Variants in TRIOBP observed in about 807,000 individuals in gnomAD.
TRIOBP encodes the protein TRIO and F-actin-binding protein.
TRIOBP carries 169 observed loss-of-function variants against 238.8 expected under a neutral mutation model. That is an observed-to-expected ratio of 0.71 (90% CI 0.62 to 0.80). TRIOBP has a LOEUF of 0.80. Ranked by LOEUF, TRIOBP falls within the 30% of genes least tolerant of loss-of-function variation. The probability of loss-of-function intolerance (pLI) is 0.00; values close to 1 mark genes in which losing one functional copy is unlikely to be tolerated. For synonymous variants in TRIOBP, 1,150 were observed against 1,274.4 expected (o/e 0.90, Z 2.08); for missense variants, 2,838 against 3,122.6 (o/e 0.91, Z 2.17).
chr22:37,746,463 G>T, intron 11 of TRIOBP: 1 of 1,382,626 alleles, frequency 7.2e-7, no homozygotes, highest in Non-Finnish European at 9.5e-7. Context: ...GCCGGGAGAA[G>T]GGCGACGACC....
Position 37,735,099 on chromosome 22 carries a change from TC to T in TRIOBP, c.4765del (p.Leu1589CysfsTer21). 1.2e-6 allele frequency: 2 copies of T among 1,606,886 alleles called. No individual in the cohort carries two copies. The highest frequency in any genetic ancestry group is 1.3e-5 in the African/African-American group (1 of 74,886). On this transcript the variant is annotated frameshift_variant, in exon 9 of 24. Coordinates refer to ENST00000644935, the MANE Select transcript of TRIOBP (RefSeq NM_001039141.3). LOFTEE classifies it high-confidence loss of function. ...CTGGACTGGGAGGGCCTCTTGGAGCTCCTGCAGGCCAGGCTGCCCCGCAAGG... is the reference window on the plus strand; with the variant it reads ...CTGGACTGGGAGGGCCTCTTGGAGCTCTGCAGGCCAGGCTGCCCCGCAAGG... The part of the protein sequence containing the change: ...PSLDWEGLLE[L>X]LQARLPRKDP...
intron 7 of TRIOBP, among the ~76,000 whole-genome samples, chr22:37,731,160 C>T (rs973085675): frequency 2.0e-5 from 3 of 151,608 alleles, no homozygotes; most frequent in Non-Finnish European, 4.4e-5. Context: ...TTTTTTGAGA[C>T]AGGATCTTGC....
rs901806237 is a variant in TRIOBP at position 37,726,521 on chromosome 22, G to A, written c.3947+18G>A. ...GAGCGCAGGTGAGCCCGGGGGTGGG[G>A]TCAGCCAGGTGGGCTGGGGAGGAGG... is the stretch of plus-strand genomic sequence containing the variant. On this transcript the variant is annotated intron_variant, in intron 7 of 23. Transcript: ENST00000644935. The A allele has an allele frequency of 2.7e-6, 4 of 1,461,880 alleles. No individual in the cohort carries two copies. The African/African-American group carries it at 4.2e-5, about 15-fold the overall frequency. 90.6% of individuals were successfully genotyped at this position (1,461,880 alleles called of 1,614,324 possible).
At chr22:37,753,331 G>A (rs1298017495) in intron 12 of TRIOBP, among the ~76,000 whole-genome samples, 1 of 151,950 alleles carries the variant, frequency 6.6e-6, no homozygotes, top group Non-Finnish European at 1.5e-5. Context: ...CTGGAGTGCA[G>A]TGGCGCAACC....
intron 7 of TRIOBP, among the ~76,000 whole-genome samples, chr22:37,732,528 A>AAC (rs1924475631): frequency 6.6e-6 from 1 of 151,278 alleles, no homozygotes; most frequent in Non-Finnish European, 1.5e-5. Flanking sequence ...AAAAAAAAAA[A>AAC]AGACACTTGC....
At chr22:37,748,458 G>T (rs1925397892) in intron 11 of TRIOBP, among the ~76,000 whole-genome samples, 1 of 152,174 alleles carries the variant, frequency 6.6e-6, no homozygotes, top group East Asian at 1.9e-4. Context: ...CCCCTCGCCT[G>T]CTGGGCATCA....
Position 37,769,291 on chromosome 22 carries a change from A to G in TRIOBP, c.6765A>G (p.Ile2255Met). 6.2e-7 allele frequency: 1 copy of G among 1,612,158 alleles called. No individual in the cohort carries two copies. Among genetic ancestry groups the G allele is most frequent in the Non-Finnish European group, 8.5e-7 (1 of 1,179,544 alleles). ...QELHGRLSEEIDQLRGFIASQ... is the reference protein window; with the variant it reads ...QELHGRLSEEMDQLRGFIASQ... Reference sequence around the variant, plus strand: ...TGCATGGCCGCCTGTCAGAGGAGATAGACCAGCTGCGCGGCTTCATTGCCT... The same window carrying G: ...TGCATGGCCGCCTGTCAGAGGAGATGGACCAGCTGCGCGGCTTCATTGCCT... Residue 2255 changes from isoleucine to methionine, a missense_variant, in exon 21 of 24, where the codon ATA (isoleucine) becomes ATG (methionine). Ile to Met is a conservative substitution (Grantham distance 10, BLOSUM62 1). Transcript: ENST00000644935.
At position 37,757,683 on chromosome 22, in the gene TRIOBP, G is replaced by A. The variant is rs1284439934; in HGVS notation, c.5758G>A (p.Glu1920Lys). The change falls in exon 16 of 24, where the codon GAG becomes AAG. Residue 1920 changes from glutamate to lysine, a missense_variant. Physicochemically the swap from Glu to Lys is moderately conservative, Grantham distance 56. Coordinates refer to ENST00000644935, the MANE Select transcript of TRIOBP (RefSeq NM_001039141.3). Reference sequence around the variant, plus strand: ...CCAGAAGGGCCCCCTGAAGGCAGGGGAGCAGCGGGCGGGCTCTGAGGTCAT... The same window carrying A: ...CCAGAAGGGCCCCCTGAAGGCAGGGAAGCAGCGGGCGGGCTCTGAGGTCAT... The part of the protein sequence containing the change: ...STQKGPLKAG[E>K]QRAGSEVISR... 6.3e-7 allele frequency: 1 copy of A among 1,588,520 alleles called. No homozygotes were observed. The highest frequency in any genetic ancestry group is 1.1e-5 in the South Asian group (1 of 87,556).
Position 37,759,149 on chromosome 22 carries a change from C to G in TRIOBP, c.6214-5C>G. ...GGTCCCACTGACCACCCTTCTCCCT[C>G]GTAGGTTCAGGCTCTTCGGGCCCAG... On this transcript the variant is annotated splice_polypyrimidine_tract_variant and splice_region_variant and intron_variant, in intron 16 of 23. Transcript: ENST00000644935. The G allele has an allele frequency of 6.2e-7, 1 of 1,608,586 alleles. No homozygotes were observed. The highest frequency in any genetic ancestry group is 1.1e-5 in the South Asian group (1 of 90,536).
chr22:37,715,879 G>A lies in TRIOBP; in HGVS notation c.573G>A (p.Pro191=), dbSNP rs200534300. 2.3e-5 allele frequency: 37 copies of A among 1,613,688 alleles called. No individual in the cohort carries two copies. Among genetic ancestry groups the A allele is most frequent in the Admixed American group, 8.3e-5 (5 of 60,014 alleles). Residue 191 remains proline (P), a synonymous_variant, in exon 6 of 24, where the codon CCG becomes CCA. Transcript: ENST00000644935. The part of the protein sequence containing the change: ...GPRADSSQRA[P]SLLTRSPVGG... ...GAGCTGACAGCTCCCAAAGGGCTCC[G>A]TCTCTCCTCACCAGGTCCCCTGTGG...
At chr22:37,754,855 T>C in intron 12 of TRIOBP, 22 bp from the exon 13 acceptor site, 1 of 1,612,104 alleles carries the variant, frequency 6.2e-7, no homozygotes, top group Non-Finnish European at 8.5e-7. Context: ...ACACTGGCTC[T>C]TTCATTCCAT....
In TRIOBP at chr22:37,730,215, G is replaced by T. The variant is rs143573962; in HGVS notation, c.3948-3083G>T. 3.5e-3 allele frequency among the ~76,000 whole-genome samples: 528 copies of T among 152,258 alleles called. 3 individuals carry two copies. Among genetic ancestry groups the T allele is most frequent in the Non-Finnish European group, 5.3e-3 (359 of 68,022 alleles). ...ACCCATCTAAGCTTCCGAAGGAAAC[G>T]TTTCCTTTGTCATGCTTGGTGCGGC... On this transcript the variant is annotated intron_variant, in intron 7 of 23. Coordinates refer to ENST00000644935, the MANE Select transcript of TRIOBP (RefSeq NM_001039141.3).
chr22:37,727,339 C>G (rs1924223787), intron 7 of TRIOBP, among the ~76,000 whole-genome samples: 1 of 151,868 alleles, frequency 6.6e-6, no homozygotes, highest in Non-Finnish European at 1.5e-5. Context: ...CTCATGGGTC[C>G]CTATGCATTT....
intron 17 of TRIOBP, among the ~76,000 whole-genome samples, chr22:37,763,899 T>G (rs1022769763): frequency 4.6e-5 from 7 of 152,158 alleles, no homozygotes; most frequent in African/African-American, 1.4e-4. Context: ...CAGGCACCCG[T>G]TGTATCCCTT....
intron 17 of TRIOBP, 137 bp from the exon 18 acceptor site, chr22:37,765,533 G>A: frequency 1.8e-6 from 2 of 1,128,690 alleles, no homozygotes; most frequent in Non-Finnish European, 2.6e-6. Context: ...GGGAGCAGGA[G>A]CAGGTGCAGA....
Position 37,759,224 on chromosome 22 carries a change from C to G in TRIOBP, c.6284C>G (p.Ser2095Cys). The G allele has an allele frequency of 3.1e-6, 5 of 1,613,134 alleles. No individual in the cohort carries two copies. The highest frequency in any genetic ancestry group is 4.2e-6 in the Non-Finnish European group (5 of 1,179,998). ...GAGGCTCCTCAGAGTGCACTGAGAT[C>G]CCAGGAGGATGGCCACATCCCCCCG... is the stretch of plus-strand genomic sequence containing the variant. ...QGEAPQSALR[S>C]QEDGHIPPGY... Residue 2095 changes from serine (S) to cysteine (C), a missense_variant, in exon 17 of 24, where the codon TCC becomes TGC. By Grantham distance (112) the Ser-to-Cys change is moderately radical. Transcript: ENST00000644935.
intron 5 of TRIOBP, among the ~76,000 whole-genome samples, 198 bp from the exon 6 acceptor site, chr22:37,715,565 G>T (rs1043767409): frequency 6.6e-6 from 1 of 151,280 alleles, no homozygotes; most frequent in African/African-American, 2.4e-5. Context: ...GGATGGTCTC[G>T]ATCTCCTGAC....
rs750321940 is a variant in TRIOBP at position 37,769,385 on chromosome 22, CT to C, written c.6849+11del. ...TTCCTGCGAGCTAGAGGTGAGTGTC[CT>C]CACTAGCACCAGGCAGCCCAGTGGT... is the stretch of plus-strand genomic sequence containing the variant. On this transcript the variant is annotated intron_variant, in intron 21 of 23. Coordinates refer to ENST00000644935, the MANE Select transcript of TRIOBP (RefSeq NM_001039141.3). The C allele has an allele frequency of 2.5e-6, 4 of 1,588,390 alleles. No individual in the cohort carries two copies. The East Asian group carries it at 9.2e-5, about 37-fold the overall frequency.
chr22:37,771,822 C>T (rs1300174489), intron 22 of TRIOBP, 86 bp downstream of exon 22: 1 of 1,196,868 alleles, frequency 8.4e-7, no homozygotes, highest in Admixed American at 1.9e-5. Flanking sequence ...TGTGCCAAGC[C>T]CTCCACTCGC....
Sources: gnomAD v4.1 joint callset for allele counts (sites outside exome capture counted in the v4.1 genomes callset) on GRCh38, gnomAD v4.1.1 for gene constraint, MANE v1.5 for transcripts, NCBI Gene and HGNC (gene_info 2026-07-23, HGNC 2026-07-21) for gene names.